Variants in ERC1 observed in about 807,000 individuals in gnomAD.
ERC1 encodes the protein ELKS/RAB6-interacting/CAST family member 1, also known as RAB6 interacting protein 2.
Under a neutral mutation model 132.0 loss-of-function variants are expected in ERC1, and 56 were observed. That is an observed-to-expected ratio of 0.42 (90% CI 0.34 to 0.53). ERC1 has a LOEUF of 0.53. Among genes scored for constraint, ERC1 ranks in the 20% least tolerant of loss-of-function variants. The pLI, the probability that ERC1 is intolerant of heterozygous loss-of-function variation, is 0.03. For synonymous variants in ERC1, 478 were observed against 476.1 expected (o/e 1.00, Z -0.05); for missense variants, 1,202 against 1,349.9 (o/e 0.89, Z 1.72).
chr12:1,263,264 T>C (rs1025815475), intron 14 of ERC1, 99 bp downstream of exon 14: 15 of 1,227,760 alleles, frequency 1.2e-5, no homozygotes, highest in Middle Eastern at 2.0e-4. Flanking sequence ...TGTATGTTTA[T>C]AGGGTTTCAA....
chr12:1,411,750 C>T (rs2091865223), intron 17 of ERC1, among the ~76,000 whole-genome samples: 1 of 152,154 alleles, frequency 6.6e-6, no homozygotes, highest in Non-Finnish European at 1.5e-5. Flanking sequence ...TTTGGCAGAA[C>T]ATAGGAGCTT....
intron 1 of ERC1, among the ~76,000 whole-genome samples, chr12:1,010,256 A>T (rs1397476494): frequency 6.6e-6 from 1 of 151,982 alleles, no homozygotes; most frequent in Non-Finnish European, 1.5e-5. Context: ...TGAGGTGGGC[A>T]GATCACTTGA....
intron 2 of ERC1, among the ~76,000 whole-genome samples, chr12:1,071,267 A>T (rs1434845209): frequency 6.6e-6 from 1 of 152,250 alleles, no homozygotes; most frequent in African/African-American, 2.4e-5. Context: ...CTTCGTGAGA[A>T]ACTACCAGAG....
At chr12:1,096,223 C>T (rs1944022743) in intron 3 of ERC1, among the ~76,000 whole-genome samples, 1 of 152,096 alleles carries the variant, frequency 6.6e-6, no homozygotes, top group South Asian at 2.1e-4. Context: ...CCACTGCACC[C>T]AGTCAGGACT....
intron 13 of ERC1, among the ~76,000 whole-genome samples, chr12:1,258,839 C>T (rs2076967994): frequency 6.6e-6 from 1 of 152,166 alleles, no homozygotes; most frequent in Non-Finnish European, 1.5e-5. Context: ...AGCTGAAGAG[C>T]ACAATGATGT....
At chr12:1,200,846 C>T (rs1277920684) in intron 12 of ERC1, among the ~76,000 whole-genome samples, 1 of 152,224 alleles carries the variant, frequency 6.6e-6, no homozygotes, top group Non-Finnish European at 1.5e-5. Context: ...GCGTGAGCCA[C>T]TGCACCCGGC....
At chr12:1,174,424 TG>T (rs1393094366) in intron 8 of ERC1, among the ~76,000 whole-genome samples, 1 of 152,062 alleles carries the variant, frequency 6.6e-6, no homozygotes, top group Admixed American at 6.5e-5. Flanking sequence ...CTCTCTAGAG[TG>T]GGTAATTGAA....
rs908684913 is a variant in ERC1 at position 1,189,071 on chromosome 12, T to G, written c.2158-788T>G. Among the ~76,000 whole-genome samples, 11 of 152,300 alleles carry G rather than the reference T, an allele frequency of 7.2e-5. No homozygotes were observed. In the East Asian group the frequency reaches 2.1e-3, roughly 29 times the overall value. ...TAGTGTGGTTCTTTCAAAAAAATTTTTCTTAAACAATTTTTTTTTCCAATA... is the reference window on the plus strand; with the variant it reads ...TAGTGTGGTTCTTTCAAAAAAATTTGTCTTAAACAATTTTTTTTTCCAATA... On this transcript the variant is annotated intron_variant, in intron 11 of 18. Coordinates refer to ENST00000360905, the MANE Select transcript of ERC1 (RefSeq NM_178040.4).
Position 1,494,671 on chromosome 12 carries a change from C to T in ERC1, c.*4441C>T, listed in dbSNP as rs974395696. On this transcript the variant is annotated 3_prime_UTR_variant, in exon 19 of 19. Transcript: ENST00000360905. ...GGTTTTAGGGATTGATTTGGGGGAGCGGGTTTTTGTCCCATCCCACCTCCT... is the reference window on the plus strand; with the variant it reads ...GGTTTTAGGGATTGATTTGGGGGAGTGGGTTTTTGTCCCATCCCACCTCCT... 11 of 230,740 alleles carry T rather than the reference C, an allele frequency of 4.8e-5. No individual in the cohort carries two copies. The highest frequency in any genetic ancestry group is 2.6e-3 in the Middle Eastern group (2 of 774). The allele number at this position is 230,740 out of a possible 1,614,324, so 14.3% of individuals were successfully genotyped here.
chr12:1,145,158 G>A (rs959073343), intron 8 of ERC1, among the ~76,000 whole-genome samples: 6 of 151,766 alleles, frequency 4.0e-5, no homozygotes, highest in South Asian at 2.1e-4. Flanking sequence ...CTGGGATTAC[G>A]GGTGCTCGCC....
At chr12:1,294,624 C>G (rs1566510146) in intron 15 of ERC1, among the ~76,000 whole-genome samples, 2 of 151,982 alleles carry the variant, frequency 1.3e-5, no homozygotes, top group East Asian at 3.9e-4. Context: ...TTCTTTTTTT[C>G]TCTGTTGGAG....
intron 15 of ERC1, among the ~76,000 whole-genome samples, chr12:1,350,499 TAC>T (rs1475735097): frequency 6.6e-6 from 1 of 152,178 alleles, no homozygotes; most frequent in Non-Finnish European, 1.5e-5. Flanking sequence ...ATTTATGCCA[TAC>T]CACAGTAGGA....
chr12:1,346,574 G>A (rs1230147936), intron 15 of ERC1, among the ~76,000 whole-genome samples: 4 of 152,124 alleles, frequency 2.6e-5, no homozygotes, highest in Admixed American at 6.5e-5. Context: ...GACCCTAATA[G>A]AAAAAATAGA....
chr12:1,423,653 G>A (rs1298452218), intron 17 of ERC1, among the ~76,000 whole-genome samples: 1 of 152,192 alleles, frequency 6.6e-6, no homozygotes, highest in Non-Finnish European at 1.5e-5. Context: ...GGAGAGGTCT[G>A]TTAATTGCAG....
At chr12:1,204,614 T>C in intron 12 of ERC1, 1 of 1,059,338 alleles carries the variant, frequency 9.4e-7, no homozygotes, top group Non-Finnish European at 1.4e-6. Flanking sequence ...AGGAGAGGGA[T>C]ATCTAGAAAT....
chr12:1,456,229 T>G (rs1330022700), intron 18 of ERC1, among the ~76,000 whole-genome samples: 1 of 152,228 alleles, frequency 6.6e-6, no homozygotes, highest in East Asian at 1.9e-4. Context: ...TGAAGAAATT[T>G]TATGTATCGT....
At chr12:996,235 G>A (rs1960836179) in intron 1 of ERC1, among the ~76,000 whole-genome samples, 1 of 132,468 alleles carries the variant, frequency 7.5e-6, no homozygotes, top group Non-Finnish European at 1.6e-5. Context: ...ACAGGTGCCC[G>A]CCACCATGCC....
chr12:1,106,591 G>C (rs1945290428), intron 4 of ERC1, among the ~76,000 whole-genome samples: 1 of 151,946 alleles, frequency 6.6e-6, no homozygotes, highest in South Asian at 2.1e-4. Flanking sequence ...TTCCGAATTA[G>C]TGGATTCTGG....
intron 8 of ERC1, among the ~76,000 whole-genome samples, chr12:1,146,320 T>G (rs1162248932): frequency 6.9e-6 from 1 of 144,260 alleles, no homozygotes; most frequent in East Asian, 2.0e-4. Flanking sequence ...TTTTTTTTTT[T>G]TTTTTTTTTT....
Sources: gnomAD v4.1 joint callset for allele counts (sites outside exome capture counted in the v4.1 genomes callset) on GRCh38, gnomAD v4.1.1 for gene constraint, MANE v1.5 for transcripts, NCBI Gene and HGNC (gene_info 2026-07-23, HGNC 2026-07-21) for gene names.